Variants in UBFD1 observed in about 807,000 individuals in gnomAD.
UBFD1 encodes the protein ubiquitin domain-containing protein UBFD1.
A neutral mutation model predicts 35.1 loss-of-function variants in UBFD1; 12 were observed. The observed-to-expected ratio is 0.34, with a 90% CI of 0.22 to 0.55. The LOEUF is 0.55. Among genes scored for constraint, UBFD1 ranks in the 20% least tolerant of loss-of-function variants. UBFD1 has a pLI of 0.89. For missense variants in UBFD1, 337 were observed against 410.8 expected (o/e 0.82, Z 1.55); for synonymous variants, 178 against 167.6 (o/e 1.06, Z -0.48).
Position 23,570,461 on chromosome 16 carries a change from T to C in UBFD1, c.820-19T>C. 6.2e-7 allele frequency: 1 copy of C among 1,607,176 alleles called. No homozygotes were observed. On this transcript the variant is annotated intron_variant, in intron 6 of 6. Coordinates refer to ENST00000395878, the MANE Select transcript of UBFD1 (RefSeq NM_019116.3). ...CCCGACCTCTGAAGTACCGCTTGGT[T>C]TTCCTTTTTCCCTTCCAGGCGTTTC...
intron 6 of UBFD1, chr16:23,569,326 G>A (rs1966052777): frequency 6.6e-6 from 1 of 152,172 alleles, no homozygotes; most frequent in African/African-American, 2.4e-5. Context: ...GGCCGAGGTG[G>A]GTGAGTCACT....
At chr16:23,559,894 T>C in intron 3 of UBFD1, 1 of 1,525,854 alleles carries the variant, frequency 6.6e-7, no homozygotes, top group Non-Finnish European at 8.8e-7. Flanking sequence ...GTCTACCTAC[T>C]TTAGGATAAG....
At chr16:23,563,760 C>T (rs1238849547) in intron 5 of UBFD1, among the ~76,000 whole-genome samples, 1 of 152,094 alleles carries the variant, frequency 6.6e-6, no homozygotes, top group Non-Finnish European at 1.5e-5. Flanking sequence ...CCCTGTGGTC[C>T]CCTGTGTATT....
At position 23,559,632 on chromosome 16, in the gene UBFD1, G is replaced by A. The variant is rs774718282; in HGVS notation, c.520G>A (p.Ala174Thr). The A allele has an allele frequency of 3.1e-6, 5 of 1,614,266 alleles. No individual in the cohort carries two copies. The Admixed American group carries it at 6.7e-5, about 22-fold the overall frequency. The change falls in exon 3 of 7, where the codon GCA (alanine) becomes ACA (threonine). Residue 174 changes from alanine (A) to threonine (T), a missense_variant. By Grantham distance (58) the Ala-to-Thr change is moderately conservative (BLOSUM62 0). This residue lies in a region of UBFD1 where 44 missense variants were observed against 39.2 expected (regional missense o/e 1.12). Transcript: ENST00000395878. ...NTPKDAAQQD[A>T]KAEENKKEPL... Reference sequence around the variant, plus strand: ...ACCCAAAGATGCTGCGCAGCAGGATGCAAAGGCCGAAGAGAACAAGAAGGA... The same window carrying A: ...ACCCAAAGATGCTGCGCAGCAGGATACAAAGGCCGAAGAGAACAAGAAGGA...
chr16:23,569,604 A>C (rs1966056717), intron 6 of UBFD1: 1 of 152,124 alleles, frequency 6.6e-6, no homozygotes, highest in Non-Finnish European at 1.5e-5. Flanking sequence ...ACTGTCACAA[A>C]CCCATATATC....
At chr16:23,559,824 G>A in intron 3 of UBFD1, 148 bp downstream of exon 3, 1 of 1,541,658 alleles carries the variant, frequency 6.5e-7, no homozygotes, top group Non-Finnish European at 8.7e-7. Flanking sequence ...CCGCAGAGTG[G>A]AGGTGACAAC....
At chr16:23,567,107 AC>A in intron 6 of UBFD1, 38 bp downstream of exon 6, 1 of 1,584,678 alleles carries the variant, frequency 6.3e-7, no homozygotes, top group South Asian at 1.1e-5. Context: ...CTCTCACTAG[AC>A]TCCCACTTCA....
intron 2 of UBFD1, 173 bp from the exon 3 acceptor site, chr16:23,559,295 T>G (rs1436258439): frequency 1.7e-6 from 1 of 594,454 alleles, no homozygotes; most frequent in East Asian, 3.1e-5. Context: ...CTAATAAATC[T>G]TCTACAGTTC....
intron 5 of UBFD1, 96 bp from the exon 6 acceptor site, chr16:23,566,891 A>C: frequency 8.4e-7 from 1 of 1,189,614 alleles, no homozygotes; most frequent in Admixed American, 1.9e-5. Flanking sequence ...TTTACTGTAG[A>C]TCCCGCAGCC....
intron 2 of UBFD1, chr16:23,559,153 G>A (rs951059343): frequency 1.3e-5 from 3 of 226,298 alleles, no homozygotes; most frequent in Non-Finnish European, 2.6e-5. Flanking sequence ...GAATGATTTA[G>A]ATGACTGAGG....
chr16:23,567,182 C>A, intron 6 of UBFD1, 113 bp downstream of exon 6: 1 of 976,384 alleles, frequency 1.0e-6, no homozygotes. Flanking sequence ...CCAGAAGATG[C>A]ACTTTTTTAA....
intron 5 of UBFD1, chr16:23,564,154 C>G (rs770296235): frequency 3.9e-5 from 6 of 152,158 alleles, no homozygotes; most frequent in Non-Finnish European, 8.8e-5. Context: ...ATCTGACGTT[C>G]ACTGGTTTCA....
At position 23,558,244 on chromosome 16, in the gene UBFD1, G is replaced by C. The variant is rs759529278; in HGVS notation, c.320G>C (p.Gly107Ala). Reference sequence around the variant, plus strand: ...GTGAAGTTCCCCCTGGACAGCACAGGCTCCGAGCTGAAACAGAAGATCCAC... The same window carrying C: ...GTGAAGTTCCCCCTGGACAGCACAGCCTCCGAGCTGAAACAGAAGATCCAC... ...HDVKFPLDST[G>A]SELKQKIHSI... Residue 107 changes from glycine to alanine, a missense_variant, in exon 2 of 7, where the codon GGC becomes GCC. Transcript: ENST00000395878. The C allele has an allele frequency of 1.2e-6, 2 of 1,608,556 alleles. No homozygotes were observed. The highest frequency in any genetic ancestry group is 1.1e-5 in the South Asian group (1 of 90,290).
chr16:23,572,305 G>A lies in UBFD1; in HGVS notation c.*1715G>A, dbSNP rs1966096004. ...TGTTTTTTCATCCCTTGAGAAAGGA[G>A]CAGTCATTGCAGCTTTTCTGTCCTT... On this transcript the variant is annotated 3_prime_UTR_variant, in exon 7 of 7. Coordinates refer to ENST00000395878, the MANE Select transcript of UBFD1 (RefSeq NM_019116.3). 1 of 152,328 alleles carries A rather than the reference G, an allele frequency of 6.6e-6. No individual in the cohort carries two copies. Among genetic ancestry groups the A allele is most frequent in the Admixed American group, 6.5e-5 (1 of 15,280 alleles). The allele number at this position is 152,328 out of a possible 1,614,324, so 9.4% of individuals were successfully genotyped here. A position where few individuals can be genotyped will look rare whatever the true frequency, so the allele number is the denominator to read the frequency against.
At chr16:23,567,346 T>C (rs1658104522) in intron 6 of UBFD1, among the ~76,000 whole-genome samples, 3 of 152,248 alleles carry the variant, frequency 2.0e-5, no homozygotes, top group South Asian at 4.1e-4. Flanking sequence ...TGCCTCCCTC[T>C]TGTCGTGTGT....
chr16:23,557,981 C>T lies in UBFD1; in HGVS notation c.57C>T (p.Ala19=). Residue 19 remains alanine, a synonymous_variant, in exon 2 of 7, where the codon GCC becomes GCT. Coordinates refer to ENST00000395878, the MANE Select transcript of UBFD1 (RefSeq NM_019116.3). Reference sequence around the variant, plus strand: ...AGGAACCTGGCATGGACACGGAGGCCGAGACTGTGGCTACTGAGGCTCCCG... The same window carrying T: ...AGGAACCTGGCATGGACACGGAGGCTGAGACTGTGGCTACTGAGGCTCCCG... The part of the protein sequence containing the change: ...GMEEPGMDTE[A]ETVATEAPAR... The T allele has an allele frequency of 7.3e-7, 1 of 1,371,468 alleles. No homozygotes were observed. Among genetic ancestry groups the T allele is most frequent in the Non-Finnish European group, 9.4e-7 (1 of 1,065,648 alleles). 85.0% of individuals were successfully genotyped at this position (1,371,468 alleles called of 1,614,324 possible). A position where few individuals can be genotyped will look rare whatever the true frequency, so the allele number is the denominator to read the frequency against.
intron 3 of UBFD1, chr16:23,559,930 C>A (rs1361127416): frequency 1.4e-6 from 2 of 1,457,984 alleles, no homozygotes; most frequent in East Asian, 2.5e-5. Context: ...GGCTTCAGAC[C>A]ATGTGTTGAA....
intron 3 of UBFD1, 122 bp from the exon 4 acceptor site, chr16:23,562,084 T>G (rs1965943700): frequency 4.9e-6 from 4 of 823,176 alleles, no homozygotes; most frequent in Non-Finnish European, 7.8e-6. Flanking sequence ...ATCCATAGTC[T>G]GTCGTCATTA....
At position 23,572,222 on chromosome 16, in the gene UBFD1, C is replaced by T. The variant is rs374482223; in HGVS notation, c.*1632C>T. On this transcript the variant is annotated 3_prime_UTR_variant, in exon 7 of 7. Transcript: ENST00000395878. Reference sequence around the variant, plus strand: ...ATGCATCTAGGCAGGAAAATCTACTCTTTGCTTTTTTGGGGGCAATTAGTA... The same window carrying T: ...ATGCATCTAGGCAGGAAAATCTACTTTTTGCTTTTTTGGGGGCAATTAGTA... 6.6e-6 allele frequency: 1 copy of T among 152,610 alleles called. No homozygotes were observed. Among genetic ancestry groups the T allele is most frequent in the African/African-American group, 2.4e-5 (1 of 41,436 alleles). The allele number at this position is 152,610 out of a possible 1,614,324, so 9.5% of individuals were successfully genotyped here.
Sources: allele counts gnomAD v4.1 joint callset (sites outside exome capture counted in the v4.1 genomes callset), GRCh38; gene constraint gnomAD v4.1.1; regional missense constraint gnomAD v4.1.1; transcripts MANE v1.5; gene names NCBI Gene and HGNC (gene_info 2026-07-23, HGNC 2026-07-21).